RANBP2: variants seen among roughly 807,000 people sequenced by gnomAD.
RANBP2 encodes RAN binding protein 2, also known as E3 SUMO-protein ligase RanBP2.
RANBP2 carries 57 observed loss-of-function variants against 303.6 expected under a neutral mutation model. The ratio of observed to expected loss-of-function variants is 0.19; its 90% CI spans 0.15 to 0.23. The LOEUF is 0.23. RANBP2 is among the 10% of genes least tolerant of loss of function. The pLI is 1.00. For synonymous variants in RANBP2, 1,167 were observed against 1,301.5 expected (o/e 0.90, Z 2.23); for missense variants, 3,138 against 3,780.8 (o/e 0.83, Z 4.46).
the RANBP2 span, among the ~76,000 whole-genome samples, chr2:109,588,850 T>TAAAAAAAAA: frequency 9.0e-6 from 1 of 111,444 alleles, no homozygotes; most frequent in Non-Finnish European, 1.8e-5. Flanking sequence ...CAATTACTAT[T>TAAAAAAAAA]AAAAAAAAAA....
the RANBP2 span, among the ~76,000 whole-genome samples, chr2:108,826,459 A>G: frequency 6.6e-6 from 1 of 152,012 alleles, no homozygotes; most frequent in African/African-American, 2.4e-5. Flanking sequence ...GTGTAACCTC[A>G]TTTTTTACCT....
the RANBP2 span, among the ~76,000 whole-genome samples, chr2:109,358,040 T>C: frequency 6.6e-6 from 1 of 152,206 alleles, no homozygotes; most frequent in Non-Finnish European, 1.5e-5. Flanking sequence ...TCCTCTGACC[T>C]GTCTATCCAT....
At chr2:109,287,188 C>T in the RANBP2 span, among the ~76,000 whole-genome samples, 1 of 152,190 alleles carries the variant, frequency 6.6e-6, no homozygotes, top group Non-Finnish European at 1.5e-5. Context: ...AATTTTGCAT[C>T]CAAAATTTGC....
the RANBP2 span, among the ~76,000 whole-genome samples, chr2:109,213,338 G>T: frequency 6.6e-6 from 1 of 152,160 alleles, no homozygotes; most frequent in Admixed American, 6.5e-5. Context: ...CGCAGCCCGG[G>T]CATCTTGTCC....
chr2:109,450,813 C>A, the RANBP2 span, among the ~76,000 whole-genome samples: 2 of 152,250 alleles, frequency 1.3e-5, no homozygotes, highest in East Asian at 3.8e-4. Flanking sequence ...GCCTTGCTGC[C>A]TGAACGGTTT....
rs190979471 is a variant in RANBP2, at chr2:108,740,332, A to G, written c.783-157A>G. On this transcript the variant is annotated intron_variant, in intron 6 of 28. Coordinates refer to ENST00000283195, the MANE Select transcript of RANBP2 (RefSeq NM_006267.5). ...TATGCAGGATAAAAAAAAGCATTAG[A>G]TGATTCATAATTTATAACATGGGGA... Among the ~76,000 whole-genome samples the G allele has an allele frequency of 1.9e-3, 292 of 152,348 alleles. 3 individuals are homozygous for G. The highest frequency in any genetic ancestry group is 6.8e-3 in the African/African-American group (282 of 41,584).
the RANBP2 span, chr2:109,613,069 CA>C: frequency 1.7e-6 from 1 of 603,706 alleles, no homozygotes; most frequent in South Asian, 1.5e-5. Flanking sequence ...TTTAAGAATA[CA>C]CAGGCATCGG....
the RANBP2 span, among the ~76,000 whole-genome samples, chr2:109,227,528 G>A: frequency 2.0e-5 from 3 of 152,186 alleles, no homozygotes; most frequent in Admixed American, 6.5e-5. Flanking sequence ...GTGGGCTCCC[G>A]GGTCTGCCTG....
chr2:108,778,337 T>C (rs1404360804), intron 25 of RANBP2, among the ~76,000 whole-genome samples: 2 of 152,364 alleles, frequency 1.3e-5, no homozygotes, highest in East Asian at 3.9e-4. Flanking sequence ...GAATGCTTAC[T>C]TTAGTTAATT....
the RANBP2 span, among the ~76,000 whole-genome samples, chr2:108,977,647 G>A: frequency 2.4e-3 from 359 of 152,180 alleles, 1 homozygote; most frequent in African/African-American, 8.3e-3. Flanking sequence ...ACATCTGGAC[G>A]TCCTCCCTCC....
the RANBP2 span, among the ~76,000 whole-genome samples, chr2:109,547,922 G>C: frequency 1.3e-5 from 2 of 152,324 alleles, no homozygotes; most frequent in Admixed American, 1.3e-4. Context: ...GTGCAAAAGA[G>C]AAACCCTTAG....
At chr2:109,483,962 C>T in the RANBP2 span, among the ~76,000 whole-genome samples, 2 of 152,184 alleles carry the variant, frequency 1.3e-5, no homozygotes, top group African/African-American at 4.8e-5. Flanking sequence ...ATCCCTGTGC[C>T]TCCACCTCTA....
chr2:109,612,423 G>T, the RANBP2 span, among the ~76,000 whole-genome samples: 1 of 152,108 alleles, frequency 6.6e-6, no homozygotes, highest in Admixed American at 6.5e-5. Context: ...TTGTGATATC[G>T]TACTATGGGT....
chr2:109,009,648 C>T, the RANBP2 span, among the ~76,000 whole-genome samples: 6 of 151,900 alleles, frequency 3.9e-5, no homozygotes, highest in African/African-American at 9.7e-5. Flanking sequence ...ACCTGAGCCT[C>T]CCGAATAGCC....
the RANBP2 span, among the ~76,000 whole-genome samples, chr2:108,981,502 C>T: frequency 6.6e-6 from 1 of 152,220 alleles, no homozygotes; most frequent in East Asian, 1.9e-4. Context: ...CGCTCTAGCT[C>T]CCAGCATCCT....
the RANBP2 span, chr2:109,613,969 A>C: frequency 5.0e-6 from 5 of 1,009,238 alleles, no homozygotes; most frequent in East Asian, 2.5e-4. Context: ...GGGAAGGGAC[A>C]GGGGCGGGGC....
At chr2:108,729,308 T>C in intron 2 of RANBP2, 109 bp downstream of exon 2, 3 of 1,229,444 alleles carry the variant, frequency 2.4e-6, no homozygotes, top group Non-Finnish European at 3.3e-6. Flanking sequence ...CTAAGTGTAT[T>C]CTGGAATAAG....
chr2:108,972,000 G>A, the RANBP2 span, among the ~76,000 whole-genome samples: 2 of 152,182 alleles, frequency 1.3e-5, no homozygotes, highest in Admixed American at 1.3e-4. Context: ...GCCTCCTGCC[G>A]CAGCCACTTG....
chr2:109,564,313 T>C, the RANBP2 span: 1 of 1,424,100 alleles, frequency 7.0e-7, no homozygotes, highest in Admixed American at 2.4e-5. Flanking sequence ...TATAAAAATA[T>C]GCAATCCTCT....
Sources: allele counts gnomAD v4.1 joint callset (sites outside exome capture counted in the v4.1 genomes callset), GRCh38; gene constraint gnomAD v4.1.1; transcripts MANE v1.5; gene names NCBI Gene and HGNC (gene_info 2026-07-23, HGNC 2026-07-21).